Variants in KCNJ6 observed in about 807,000 individuals in gnomAD.
KCNJ6 encodes G protein-activated inward rectifier potassium channel 2.
Under a neutral mutation model 34.2 loss-of-function variants are expected in KCNJ6, and 9 were observed. The observed-to-expected ratio is 0.26, with a 90% confidence interval of 0.16 to 0.46. The LOEUF (loss-of-function observed/expected upper bound fraction) is 0.46. KCNJ6 is among the 20% of genes least tolerant of loss of function. The pLI, the probability that KCNJ6 is intolerant of heterozygous loss-of-function variation, is 1.00. For missense variants in KCNJ6, 236 were observed against 531.3 expected (o/e 0.44, Z 5.46); for synonymous variants, 196 against 207.1 (o/e 0.95, Z 0.46).
At chr21:37,804,935 C>T (rs550845027) in intron 2 of KCNJ6, among the ~76,000 whole-genome samples, 2 of 152,150 alleles carry the variant, frequency 1.3e-5, no homozygotes, top group South Asian at 2.1e-4. Context: ...TGATGTGGTA[C>T]AATGGAATAT....
Position 37,618,057 on chromosome 21 carries a change from GC to G in KCNJ6, c.*7101del, listed in dbSNP as rs957136526. On this transcript the variant is annotated 3_prime_UTR_variant, in exon 4 of 4. Coordinates refer to ENST00000609713, the MANE Select transcript of KCNJ6 (RefSeq NM_002240.5). ...TGGGCATGGCTGAGGATTTTGTTCT[GC>G]CCAAGTCTGAGCTACGGGAGGGTAT... 1.3e-5 allele frequency: 2 copies of G among 152,298 alleles called. No individual in the cohort carries two copies. The highest frequency in any genetic ancestry group is 4.8e-5 in the African/African-American group (2 of 41,444). The allele number at this position is 152,298 out of a possible 1,614,324, so 9.4% of individuals were successfully genotyped here.
At chr21:37,636,614 G>C (rs1313393533) in intron 3 of KCNJ6, among the ~76,000 whole-genome samples, 2 of 152,182 alleles carry the variant, frequency 1.3e-5, no homozygotes, top group African/African-American at 4.8e-5. Flanking sequence ...CGTGTTACGG[G>C]TGGTGATTGC....
intron 3 of KCNJ6, among the ~76,000 whole-genome samples, chr21:37,628,731 G>C (rs1184875569): frequency 6.6e-6 from 1 of 152,158 alleles, no homozygotes; most frequent in African/African-American, 2.4e-5. Context: ...TTCACACTGA[G>C]ACACATCATA....
chr21:37,866,230 C>G (rs960835884), intron 1 of KCNJ6, among the ~76,000 whole-genome samples: 1 of 152,152 alleles, frequency 6.6e-6, no homozygotes, highest in Non-Finnish European at 1.5e-5. Flanking sequence ...TGGTGGCCTG[C>G]CCTTCAGGCT....
At chr21:37,649,675 C>T (rs989187846) in intron 3 of KCNJ6, among the ~76,000 whole-genome samples, 1 of 152,250 alleles carries the variant, frequency 6.6e-6, no homozygotes, top group Non-Finnish European at 1.5e-5. Context: ...GATCTAGCCA[C>T]ATTGATAATG....
chr21:37,826,888 C>T (rs765069955), intron 2 of KCNJ6, among the ~76,000 whole-genome samples: 5 of 152,048 alleles, frequency 3.3e-5, no homozygotes, highest in Non-Finnish European at 5.9e-5. Context: ...TAAATCCAGA[C>T]TCGTTTTGTC....
rs368600656 is a variant in KCNJ6 at position 37,886,810 on chromosome 21, C to T, written c.-28+29074G>A. On this transcript the variant is annotated intron_variant, in intron 1 of 3. Coordinates refer to ENST00000609713, the MANE Select transcript of KCNJ6 (RefSeq NM_002240.5). ...GCTTCCACTTTTTGAGGGCTGGAAT[C>T]GTGACTTTCAGGTATCTTTTCCCCA... 1.4e-4 allele frequency among the ~76,000 whole-genome samples: 21 copies of T among 152,244 alleles called. No homozygotes were observed. In the East Asian group the frequency reaches 3.3e-3, roughly 24 times the overall value.
intron 3 of KCNJ6, among the ~76,000 whole-genome samples, chr21:37,649,098 A>G (rs2054419365): frequency 7.2e-6 from 1 of 138,398 alleles, no homozygotes; most frequent in Non-Finnish European, 1.5e-5. Context: ...GTGCCATTGC[A>G]CTCCAGCCTG....
chr21:37,815,256 AC>A, intron 2 of KCNJ6, among the ~76,000 whole-genome samples: 1 of 152,346 alleles, frequency 6.6e-6, no homozygotes, highest in Middle Eastern at 3.4e-3. Context: ...TTTTAAAACA[AC>A]TAAAAGAGCA....
chr21:37,860,682 T>G (rs2055590376), intron 1 of KCNJ6, among the ~76,000 whole-genome samples: 1 of 152,090 alleles, frequency 6.6e-6, no homozygotes, highest in Non-Finnish European at 1.5e-5. Flanking sequence ...CCGGGGCCAT[T>G]GTACTTGCCA....
chr21:37,734,261 G>A (rs1187909702), intron 2 of KCNJ6, among the ~76,000 whole-genome samples: 1 of 152,102 alleles, frequency 6.6e-6, no homozygotes, highest in African/African-American at 2.4e-5. Context: ...GGTAGGGGTG[G>A]CTTGAAGATG....
chr21:37,881,901 A>G (rs1226132524), intron 1 of KCNJ6, among the ~76,000 whole-genome samples: 1 of 152,172 alleles, frequency 6.6e-6, no homozygotes. Context: ...TCAGGTGGAC[A>G]GTAAATAGGG....
At chr21:37,914,390 G>T (rs1001836726) in intron 1 of KCNJ6, among the ~76,000 whole-genome samples, 7 of 152,070 alleles carry the variant, frequency 4.6e-5, no homozygotes, top group Non-Finnish European at 7.4e-5. Flanking sequence ...TCCGGAACCC[G>T]CTGAGGAACC....
At chr21:37,839,428 T>A (rs2055467920) in intron 2 of KCNJ6, among the ~76,000 whole-genome samples, 1 of 152,204 alleles carries the variant, frequency 6.6e-6, no homozygotes, top group South Asian at 2.1e-4. Context: ...TGTAAATAAC[T>A]TTTTAACGTT....
At chr21:37,755,544 G>A (rs552672223) in intron 2 of KCNJ6, among the ~76,000 whole-genome samples, 105 of 152,320 alleles carry the variant, frequency 6.9e-4, no homozygotes, top group African/African-American at 2.4e-3. Context: ...GACTAGTTGA[G>A]GGAAACAAAT....
Position 37,614,746 on chromosome 21 carries a change from C to CTGTATGTGTGTGTATGCATGTGTCTGTG in KCNJ6, c.*10385_*10412dup, listed in dbSNP as rs2054259262. On this transcript the variant is annotated 3_prime_UTR_variant, in exon 4 of 4. Coordinates refer to ENST00000609713, the MANE Select transcript of KCNJ6 (RefSeq NM_002240.5). ...TGCGTGTGTGTGTATGCGCATGTCT[C>CTGTATGTGTGTGTATGCATGTGTCTGTG]TGTATGTGTGTGTATGCATGTGTCT... is the stretch of plus-strand genomic sequence containing the variant. 3 of 127,122 alleles carry CTGTATGTGTGTGTATGCATGTGTCTGTG rather than the reference C, an allele frequency of 2.4e-5. No homozygotes were observed. The highest frequency in any genetic ancestry group is 5.2e-5 in the Non-Finnish European group (3 of 57,218). The allele number at this position is 127,122 out of a possible 1,614,324, so 7.9% of individuals were successfully genotyped here.
chr21:37,658,097 G>A (rs1239536010), intron 3 of KCNJ6, among the ~76,000 whole-genome samples: 1 of 151,244 alleles, frequency 6.6e-6, no homozygotes, highest in Non-Finnish European at 1.5e-5. Context: ...GAACAGAATT[G>A]CTTCTAACCT....
At chr21:37,880,768 C>A (rs566984285) in intron 1 of KCNJ6, among the ~76,000 whole-genome samples, 1 of 152,328 alleles carries the variant, frequency 6.6e-6, no homozygotes, top group South Asian at 2.1e-4. Context: ...AGGCGTGAAG[C>A]ATATTTCCCA....
intron 3 of KCNJ6, among the ~76,000 whole-genome samples, chr21:37,643,923 G>A (rs1052844404): frequency 6.6e-6 from 1 of 152,204 alleles, no homozygotes; most frequent in Non-Finnish European, 1.5e-5. Flanking sequence ...ACACATGCAT[G>A]TGTAGGTTCA....
Sources: gnomAD v4.1 joint callset for allele counts (sites outside exome capture counted in the v4.1 genomes callset) on GRCh38, gnomAD v4.1.1 for gene constraint, MANE v1.5 for transcripts, NCBI Gene and HGNC (gene_info 2026-07-23, HGNC 2026-07-21) for gene names.